The following GPD1L variants were observed in gnomAD, a reference collection of about 807,000 sequenced individuals.
The protein encoded by GPD1L is glycerol-3-phosphate dehydrogenase 1-like protein.
In GPD1L, 17 loss-of-function variants were observed where a neutral mutation model predicts 32.9. The ratio of observed to expected loss-of-function variants is 0.52; its 90% CI spans 0.35 to 0.78. The LOEUF is 0.78. Among genes scored for constraint, GPD1L ranks in the 30% least tolerant of loss-of-function variants. GPD1L has a pLI of 0.01. For synonymous variants in GPD1L, 187 were observed against 165.9 expected (o/e 1.13, Z -0.98); for missense variants, 361 against 447.8 (o/e 0.81, Z 1.75).
At position 32,144,238 on chromosome 3, in the gene GPD1L, C is replaced by T. The variant is rs1208167020; in HGVS notation, c.506-2384C>T. ...AGGAATCGTGGCCCACTTGAATCTT[C>T]TGTGGAGGGAAAAGATAGGGCAGCT... On this transcript the variant is annotated intron_variant, in intron 4 of 7. Coordinates refer to ENST00000282541, the MANE Select transcript of GPD1L (RefSeq NM_015141.4). Among the ~76,000 whole-genome samples, 6 of 152,170 alleles carry T rather than the reference C, an allele frequency of 3.9e-5. No homozygotes were observed. The South Asian group carries it at 8.3e-4, about 21-fold the overall frequency.
chr3:32,115,881 C>T (rs912723167), intron 1 of GPD1L, among the ~76,000 whole-genome samples: 1 of 143,848 alleles, frequency 7.0e-6, no homozygotes, highest in African/African-American at 2.6e-5. Flanking sequence ...CTCCACCTCC[C>T]GGGTTCAAGC....
chr3:32,124,426 G>T (rs1700475097), intron 1 of GPD1L, among the ~76,000 whole-genome samples: 3 of 152,106 alleles, frequency 2.0e-5, no homozygotes, highest in Admixed American at 2.0e-4. Flanking sequence ...AAACCCTCTG[G>T]CTCCTCCAAA....
In GPD1L at chr3:32,159,054, C is replaced by T. The variant is rs1177136054; in HGVS notation, c.797C>T (p.Thr266Ile). ...TGCGGGGTGGCCGACCTGATCACCA[C>T]CTGTTACGGAGGGCGGAACCGCAGG... ...ESCGVADLIT[T>I]CYGGRNRRVA... Residue 266 changes from threonine (T) to isoleucine (I), a missense_variant, in exon 6 of 8, where the codon ACC (threonine) becomes ATC (isoleucine). Transcript: ENST00000282541. 1 of 1,613,918 alleles carries T rather than the reference C, an allele frequency of 6.2e-7. No individual in the cohort carries two copies. Among genetic ancestry groups the T allele is most frequent in the Non-Finnish European group, 8.5e-7 (1 of 1,180,048 alleles).
chr3:32,113,563 C>G (rs1700283942), intron 1 of GPD1L, among the ~76,000 whole-genome samples: 1 of 152,138 alleles, frequency 6.6e-6, no homozygotes, highest in Admixed American at 6.5e-5. Context: ...GCTCACTGTG[C>G]CAGAAGTGTC....
At chr3:32,154,773 A>C (rs1700964547) in intron 5 of GPD1L, among the ~76,000 whole-genome samples, 1 of 150,806 alleles carries the variant, frequency 6.6e-6, no homozygotes. Context: ...TTTTTGAGAC[A>C]GGCTCACTCT....
chr3:32,154,214 C>G (rs1700957727), intron 5 of GPD1L, among the ~76,000 whole-genome samples: 1 of 152,086 alleles, frequency 6.6e-6, no homozygotes, highest in Non-Finnish European at 1.5e-5. Flanking sequence ...TTACCCTGCA[C>G]TAGGTCTCCT....
chr3:32,131,316 C>T (rs561973209), intron 2 of GPD1L, among the ~76,000 whole-genome samples: 2 of 152,288 alleles, frequency 1.3e-5, no homozygotes, highest in East Asian at 3.9e-4. Context: ...CGTATATTTA[C>T]ATAGCTGTGC....
intron 5 of GPD1L, among the ~76,000 whole-genome samples, chr3:32,154,836 C>T (rs1321404276): frequency 2.6e-5 from 4 of 151,944 alleles, no homozygotes; most frequent in Admixed American, 6.5e-5. Context: ...CAACCTCCGC[C>T]TCCCCAGCTC....
intron 1 of GPD1L, among the ~76,000 whole-genome samples, chr3:32,110,598 G>C (rs772603790): frequency 3.3e-5 from 5 of 152,232 alleles, no homozygotes; most frequent in Non-Finnish European, 7.3e-5. Flanking sequence ...CAGCCAGGAA[G>C]GTCCTGGGCA....
intron 1 of GPD1L, among the ~76,000 whole-genome samples, chr3:32,115,746 G>A (rs1218744252): frequency 1.2e-4 from 13 of 111,802 alleles, no homozygotes; most frequent in East Asian, 2.5e-4. Flanking sequence ...AACCCTTTTC[G>A]TGTACGTTGA....
At chr3:32,152,038 G>A (rs943695961) in intron 5 of GPD1L, 12 of 152,338 alleles carry the variant, frequency 7.9e-5, no homozygotes, top group African/African-American at 2.9e-4. Flanking sequence ...CTTGTGACCA[G>A]AAGTGTTTTG....
intron 1 of GPD1L, among the ~76,000 whole-genome samples, chr3:32,110,850 A>G (rs1389631485): frequency 1.3e-5 from 2 of 152,186 alleles, no homozygotes; most frequent in African/African-American, 4.8e-5. Context: ...AAGATGAAAC[A>G]GTTTCTTTTT....
At position 32,158,937 on chromosome 3, in the gene GPD1L, C is replaced by T. The variant is rs980532320; in HGVS notation, c.680C>T (p.Ala227Val). 9 of 1,614,010 alleles carry T rather than the reference C, an allele frequency of 5.6e-6. No homozygotes were observed. The highest frequency in any genetic ancestry group is 3.3e-4 in the Middle Eastern group (2 of 6,084). ...CTCCGCTGTGGAGACAACACCAAAG[C>T]GGCCGTCATCCGCCTGGGACTCATG... Reference protein sequence around the residue: ...DGLRCGDNTKAAVIRLGLMEM... With the variant: ...DGLRCGDNTKVAVIRLGLMEM... The change falls in exon 6 of 8, where the codon GCG becomes GTG. Residue 227 changes from alanine to valine, a missense_variant. Coordinates refer to ENST00000282541, the MANE Select transcript of GPD1L (RefSeq NM_015141.4).
intron 1 of GPD1L, among the ~76,000 whole-genome samples, chr3:32,124,437 A>T (rs963587954): frequency 6.6e-6 from 1 of 152,098 alleles, no homozygotes; most frequent in Admixed American, 6.6e-5. Context: ...CTCCTCCAAA[A>T]CACTTTCCTT....
intron 3 of GPD1L, among the ~76,000 whole-genome samples, chr3:32,139,298 G>A (rs930825631): frequency 5.3e-5 from 8 of 152,128 alleles, no homozygotes; most frequent in African/African-American, 1.2e-4. Context: ...AATAGGAGTC[G>A]CAGGGCTTTC....
At chr3:32,159,772 T>C (rs1701051483) in intron 7 of GPD1L, 98 bp downstream of exon 7, 2 of 787,214 alleles carry the variant, frequency 2.5e-6, no homozygotes, top group Non-Finnish European at 4.5e-6. Flanking sequence ...ATTTGACAAG[T>C]GCCCTTAGAA....
chr3:32,107,230 G>C (rs1700177445), intron 1 of GPD1L, among the ~76,000 whole-genome samples: 1 of 152,210 alleles, frequency 6.6e-6, no homozygotes, highest in African/African-American at 2.4e-5. Context: ...GGCGGGGCAT[G>C]CTCTGCCCTT....
intron 7 of GPD1L, among the ~76,000 whole-genome samples, chr3:32,164,416 A>C (rs1035351323): frequency 2.0e-5 from 3 of 152,266 alleles, no homozygotes; most frequent in Non-Finnish European, 2.9e-5. Context: ...TGAAAAAAAC[A>C]GACTTGGTCC....
At chr3:32,121,591 A>ATATATATTATATATATTTC (rs1553657517) in intron 1 of GPD1L, among the ~76,000 whole-genome samples, 10 of 99,226 alleles carry the variant, frequency 1.0e-4, no homozygotes, top group Non-Finnish European at 1.5e-4. Context: ...ATATATTTCT[A>ATATATATTATATATATTTC]TATATATATT....
Sources: gnomAD v4.1 joint callset for allele counts (sites outside exome capture counted in the v4.1 genomes callset) on GRCh38, gnomAD v4.1.1 for gene constraint, MANE v1.5 for transcripts, NCBI Gene and HGNC (gene_info 2026-07-23, HGNC 2026-07-21) for gene names.